HS3ST4: variants seen among roughly 807,000 people sequenced by gnomAD.
HS3ST4 encodes the protein heparan sulfate glucosamine 3-O-sulfotransferase 4.
A neutral mutation model predicts 29.2 loss-of-function variants in HS3ST4; 17 were observed. That is an observed-to-expected ratio of 0.58 (90% CI 0.40 to 0.87). The LOEUF is 0.87. Among genes scored for constraint, HS3ST4 ranks in the 40% least tolerant of loss-of-function variants. The pLI is 0.00. For synonymous variants in HS3ST4, 314 were observed against 285.7 expected (o/e 1.10, Z -1.00); for missense variants, 627 against 634.5 (o/e 0.99, Z 0.13).
chr16:26,021,400 A>G (rs1458039022), intron 1 of HS3ST4, among the ~76,000 whole-genome samples: 1 of 152,124 alleles, frequency 6.6e-6, no homozygotes, highest in Admixed American at 6.5e-5. Flanking sequence ...TGTCCTCCCC[A>G]TTCCCTATTA....
chr16:25,810,827 C>CAATTAAAT (rs756833532), intron 1 of HS3ST4, among the ~76,000 whole-genome samples: 36 of 152,206 alleles, frequency 2.4e-4, no homozygotes, highest in Non-Finnish European at 3.7e-4. Flanking sequence ...ACATAGTTTT[C>CAATTAAAT]AATTAAATGT....
intron 1 of HS3ST4, among the ~76,000 whole-genome samples, chr16:25,923,322 A>G (rs1035005221): frequency 6.6e-6 from 1 of 152,172 alleles, no homozygotes; most frequent in African/African-American, 2.4e-5. Context: ...AAAGTTATTA[A>G]ATGCACGCCC....
At position 25,962,982 on chromosome 16, in the gene HS3ST4, C is replaced by T. The variant is rs183560409; in HGVS notation, c.735-172630C>T. Among the ~76,000 whole-genome samples the T allele has an allele frequency of 1.6e-3, 246 of 152,222 alleles. 1 individual carries two copies. Among genetic ancestry groups the T allele is most frequent in the African/African-American group, 5.4e-3 (223 of 41,532 alleles). Reference sequence around the variant, plus strand: ...CCTACTGCCACTACCTACTACCACCCAAGATGTAGAGGAAGGTGTATTTAT... The same window carrying T: ...CCTACTGCCACTACCTACTACCACCTAAGATGTAGAGGAAGGTGTATTTAT... On this transcript the variant is annotated intron_variant, in intron 1 of 1. Transcript: ENST00000331351.
At chr16:25,914,047 T>G (rs943064611) in intron 1 of HS3ST4, among the ~76,000 whole-genome samples, 2 of 143,932 alleles carry the variant, frequency 1.4e-5, no homozygotes, top group South Asian at 2.2e-4. Context: ...TATGTGTGTG[T>G]GGGGTGTGTG....
At chr16:25,723,375 A>G (rs559223057) in intron 1 of HS3ST4, among the ~76,000 whole-genome samples, 2 of 152,340 alleles carry the variant, frequency 1.3e-5, no homozygotes, top group African/African-American at 4.8e-5. Context: ...TTTAGCATGT[A>G]TGATTCTTTC....
At chr16:25,801,530 T>A (rs1227493793) in intron 1 of HS3ST4, among the ~76,000 whole-genome samples, 1 of 152,212 alleles carries the variant, frequency 6.6e-6, no homozygotes, top group Non-Finnish European at 1.5e-5. Flanking sequence ...AACTACTTGC[T>A]GTTTGCTGGG....
chr16:25,756,446 G>A (rs1272787348), intron 1 of HS3ST4, among the ~76,000 whole-genome samples: 1 of 152,174 alleles, frequency 6.6e-6, no homozygotes, highest in Non-Finnish European at 1.5e-5. Flanking sequence ...GTTGAGGGAT[G>A]ATTAAGACAA....
chr16:25,935,012 T>C (rs1486294787), intron 1 of HS3ST4, among the ~76,000 whole-genome samples: 1 of 152,154 alleles, frequency 6.6e-6, no homozygotes, highest in Non-Finnish European at 1.5e-5. Context: ...GCTGTTCTCA[T>C]GATAGTGAAT....
intron 1 of HS3ST4, among the ~76,000 whole-genome samples, chr16:25,769,118 G>T (rs1435788232): frequency 6.6e-6 from 1 of 152,166 alleles, no homozygotes; most frequent in Non-Finnish European, 1.5e-5. Context: ...TTGGCAGCAA[G>T]AATCAGAGTT....
intron 1 of HS3ST4, among the ~76,000 whole-genome samples, chr16:26,013,200 A>T (rs1395883399): frequency 6.6e-6 from 1 of 152,046 alleles, no homozygotes; most frequent in Non-Finnish European, 1.5e-5. Context: ...AAACAAAAAA[A>T]ACACCAAAAA....
intron 1 of HS3ST4, among the ~76,000 whole-genome samples, chr16:25,972,336 G>A (rs1031646680): frequency 6.6e-6 from 1 of 152,190 alleles, no homozygotes; most frequent in African/African-American, 2.4e-5. Context: ...TTATCACACA[G>A]TTTCTGTGGG....
intron 1 of HS3ST4, among the ~76,000 whole-genome samples, chr16:26,001,386 T>C (rs1438280599): frequency 6.6e-6 from 1 of 152,220 alleles, no homozygotes; most frequent in Non-Finnish European, 1.5e-5. Context: ...TTTAATGAAA[T>C]GCTAATAATA....
chr16:25,712,999 A>G (rs894210783), intron 1 of HS3ST4, among the ~76,000 whole-genome samples: 5 of 152,050 alleles, frequency 3.3e-5, no homozygotes, highest in African/African-American at 9.7e-5. Context: ...CTCTTCTTAT[A>G]AGGACAGCTA....
chr16:25,717,249 C>T (rs147467140), intron 1 of HS3ST4, among the ~76,000 whole-genome samples: 249 of 152,124 alleles, frequency 1.6e-3, no homozygotes, highest in African/African-American at 5.3e-3. Context: ...GACAAGGGTA[C>T]GCAGAAGCAA....
intron 1 of HS3ST4, among the ~76,000 whole-genome samples, chr16:25,857,970 TTC>T (rs1302881090): frequency 3.7e-5 from 2 of 53,952 alleles, no homozygotes; most frequent in African/African-American, 2.0e-4. Context: ...CTTTCTTTCT[TTC>T]TCTTTTCTGT....
chr16:25,916,808 T>A (rs1481317063), intron 1 of HS3ST4, among the ~76,000 whole-genome samples: 1 of 151,000 alleles, frequency 6.6e-6, no homozygotes, highest in Non-Finnish European at 1.5e-5. Context: ...GCCTCCCGAG[T>A]AGCTGGGACT....
intron 1 of HS3ST4, among the ~76,000 whole-genome samples, chr16:26,066,440 T>G (rs1445604699): frequency 6.6e-6 from 1 of 152,220 alleles, no homozygotes; most frequent in East Asian, 1.9e-4. Flanking sequence ...TATCTGATAT[T>G]TGAGGAAATG....
intron 1 of HS3ST4, among the ~76,000 whole-genome samples, chr16:25,723,558 G>A (rs987184768): frequency 6.6e-6 from 1 of 152,188 alleles, no homozygotes; most frequent in Admixed American, 6.5e-5. Flanking sequence ...AAAATCACAT[G>A]TGATCATTGA....
At chr16:25,723,896 G>A (rs865913997) in intron 1 of HS3ST4, among the ~76,000 whole-genome samples, 1 of 152,054 alleles carries the variant, frequency 6.6e-6, no homozygotes, top group Non-Finnish European at 1.5e-5. Context: ...GGTGGATCAC[G>A]AGGTCAAGAG....
Sources: gnomAD v4.1 joint callset for allele counts (sites outside exome capture counted in the v4.1 genomes callset) on GRCh38, gnomAD v4.1.1 for gene constraint, MANE v1.5 for transcripts, NCBI Gene and HGNC (gene_info 2026-07-23, HGNC 2026-07-21) for gene names.